Variants in RBMS3 observed in about 807,000 individuals in gnomAD.
RBMS3 encodes the protein RNA binding motif single stranded interacting protein 3.
RBMS3 carries 27 observed loss-of-function variants against 66.8 expected under a neutral mutation model. That is an observed-to-expected ratio of 0.40 (90% confidence interval 0.30 to 0.56). The LOEUF (loss-of-function observed/expected upper bound fraction) is 0.56, where lower values mean the gene tolerates loss of function less well. RBMS3 is among the 20% of genes least tolerant of loss of function. RBMS3 has a pLI of 0.40. For missense variants in RBMS3, 513 were observed against 549.5 expected (o/e 0.93, Z 0.66); for synonymous variants, 188 against 183.0 (o/e 1.03, Z -0.22).
chr3:29,392,208 C>T (rs1464063032), intron 1 of RBMS3, among the ~76,000 whole-genome samples: 1 of 152,082 alleles, frequency 6.6e-6, no homozygotes, highest in Non-Finnish European at 1.5e-5. Context: ...CGAGATTGTG[C>T]CACTGCACTC....
At chr3:29,899,665 T>C in intron 9 of RBMS3, 40 bp from the exon 10 acceptor site, 1 of 1,589,852 alleles carries the variant, frequency 6.3e-7, no homozygotes, top group Non-Finnish European at 8.6e-7. Flanking sequence ...AAGTTCTCTC[T>C]ATGATTGCTT....
chr3:29,565,462 G>A (rs2046708202), intron 3 of RBMS3, among the ~76,000 whole-genome samples: 1 of 152,072 alleles, frequency 6.6e-6, no homozygotes, highest in Admixed American at 6.6e-5. Flanking sequence ...GAGCACCCTT[G>A]ATCTTGGTAT....
intron 4 of RBMS3, among the ~76,000 whole-genome samples, chr3:29,737,039 T>G (rs1007691025): frequency 1.3e-5 from 2 of 152,014 alleles, no homozygotes; most frequent in Admixed American, 1.3e-4. Flanking sequence ...TGCAGTGGCA[T>G]GATCTCAGCT....
At chr3:29,814,602 A>C (rs917349484) in intron 6 of RBMS3, among the ~76,000 whole-genome samples, 3 of 152,090 alleles carry the variant, frequency 2.0e-5, no homozygotes, top group African/African-American at 7.2e-5. Context: ...CTGTGAATCC[A>C]TCTGGTCCTG....
At chr3:29,449,388 A>T (rs976352599) in intron 2 of RBMS3, among the ~76,000 whole-genome samples, 1 of 152,224 alleles carries the variant, frequency 6.6e-6, no homozygotes, top group Non-Finnish European at 1.5e-5. Context: ...ATATCTGCAA[A>T]TATAAAACCA....
intron 7 of RBMS3, among the ~76,000 whole-genome samples, chr3:29,878,606 T>G (rs1301366688): frequency 6.6e-6 from 1 of 152,172 alleles, no homozygotes; most frequent in Non-Finnish European, 1.5e-5. Context: ...TCAAGCTTAC[T>G]TCTGAATCAG....
intron 5 of RBMS3, among the ~76,000 whole-genome samples, chr3:29,757,719 AATG>A (rs746297246): frequency 1.3e-5 from 2 of 152,220 alleles, no homozygotes; most frequent in African/African-American, 2.4e-5. Context: ...TAGAAGCCAT[AATG>A]ATAATATAGA....
intron 4 of RBMS3, among the ~76,000 whole-genome samples, chr3:29,595,393 A>G (rs1281259572): frequency 7.7e-6 from 1 of 130,370 alleles, no homozygotes; most frequent in Non-Finnish European, 1.6e-5. Context: ...TGTAAGAGTC[A>G]GTCTAAAAAA....
intron 8 of RBMS3, among the ~76,000 whole-genome samples, chr3:29,884,529 G>A (rs547578618): frequency 7.2e-6 from 1 of 138,922 alleles, no homozygotes; most frequent in African/African-American, 2.7e-5. Context: ...GGTAAAGCTA[G>A]GCTGAGAGAA....
At chr3:29,889,057 A>G (rs989398584) in intron 8 of RBMS3, among the ~76,000 whole-genome samples, 1 of 151,730 alleles carries the variant, frequency 6.6e-6, no homozygotes. Flanking sequence ...CGTGGCCTTT[A>G]CTAACTACAG....
intron 6 of RBMS3, among the ~76,000 whole-genome samples, chr3:29,838,449 G>A (rs1376892388): frequency 6.6e-6 from 1 of 152,094 alleles, no homozygotes; most frequent in Non-Finnish European, 1.5e-5. Flanking sequence ...GTGACAATAT[G>A]TTCTTCAATG....
At chr3:29,887,569 T>C (rs1366194046) in intron 8 of RBMS3, among the ~76,000 whole-genome samples, 1 of 151,792 alleles carries the variant, frequency 6.6e-6, no homozygotes, top group East Asian at 1.9e-4. Flanking sequence ...CGTGCTGAAC[T>C]GTGAGTCAAT....
intron 3 of RBMS3, among the ~76,000 whole-genome samples, chr3:29,490,407 A>G (rs75367026): frequency 0.014 from 2,202 of 152,272 alleles, 50 homozygotes; most frequent in African/African-American, 0.05. Context: ...AGAGTTGGCT[A>G]TTGACTCTAA....
intron 14 of RBMS3, among the ~76,000 whole-genome samples, chr3:30,003,010 A>G (rs1699678623): frequency 2.0e-5 from 3 of 152,068 alleles, no homozygotes; most frequent in Admixed American, 6.6e-5. Flanking sequence ...AAGAACTTGC[A>G]TAACTTTTTG....
At chr3:29,649,932 A>T (rs1028819441) in intron 4 of RBMS3, among the ~76,000 whole-genome samples, 1 of 152,196 alleles carries the variant, frequency 6.6e-6, no homozygotes, top group Non-Finnish European at 1.5e-5. Flanking sequence ...GGCAAAGATC[A>T]TTATAATCAA....
intron 12 of RBMS3, among the ~76,000 whole-genome samples, chr3:29,964,692 C>T (rs1218954085): frequency 2.0e-5 from 3 of 152,068 alleles, no homozygotes; most frequent in African/African-American, 7.2e-5. Flanking sequence ...TTTCTGAATG[C>T]ATTAACATTT....
At chr3:29,319,780 C>A (rs930006176) in intron 1 of RBMS3, among the ~76,000 whole-genome samples, 1 of 151,998 alleles carries the variant, frequency 6.6e-6, no homozygotes, top group Non-Finnish European at 1.5e-5. Flanking sequence ...GTCCAAAGTA[C>A]TTAGAAAAGT....
intron 10 of RBMS3, among the ~76,000 whole-genome samples, chr3:29,930,012 G>GTATATTAT (rs1005396740): frequency 1.3e-5 from 2 of 150,232 alleles, no homozygotes; most frequent in African/African-American, 4.9e-5. Context: ...GGAAATTGGT[G>GTATATTAT]TATATTATAA....
intron 14 of RBMS3, among the ~76,000 whole-genome samples, chr3:29,994,677 C>T (rs943685206): frequency 2.5e-4 from 38 of 151,824 alleles, no homozygotes; most frequent in African/African-American, 5.8e-4. Flanking sequence ...ACACCTCACA[C>T]GGCAGGGTAT....
Sources: gnomAD v4.1 joint callset for allele counts (sites outside exome capture counted in the v4.1 genomes callset) on GRCh38, gnomAD v4.1.1 for gene constraint, MANE v1.5 for transcripts, NCBI Gene and HGNC (gene_info 2026-07-23, HGNC 2026-07-21) for gene names.